Variants in ADAM22 observed in about 807,000 individuals in gnomAD.
The protein encoded by ADAM22 is disintegrin and metalloproteinase domain-containing protein 22.
Under a neutral mutation model 144.6 loss-of-function variants are expected in ADAM22, and 65 were observed. The ratio of observed to expected loss-of-function variants is 0.45; its 90% CI spans 0.37 to 0.55. ADAM22 has a LOEUF of 0.55. Among genes scored for constraint, ADAM22 ranks in the 20% least tolerant of loss-of-function variants. The pLI is 0.00. For synonymous variants in ADAM22, 391 were observed against 412.6 expected (o/e 0.95, Z 0.63); for missense variants, 974 against 1,184.9 (o/e 0.82, Z 2.61).
chr7:87,975,950 A>G (rs903814609), intron 2 of ADAM22, among the ~76,000 whole-genome samples: 1 of 152,170 alleles, frequency 6.6e-6, no homozygotes, highest in Non-Finnish European at 1.5e-5. Context: ...AGCTTTAGGT[A>G]GAGGGAGTGA....
intron 21 of ADAM22, among the ~76,000 whole-genome samples, chr7:88,155,245 T>G (rs1042575978): frequency 6.6e-6 from 1 of 152,024 alleles, no homozygotes; most frequent in African/African-American, 2.4e-5. Flanking sequence ...AAAAATTGTC[T>G]GGGCACAGCA....
intron 2 of ADAM22, among the ~76,000 whole-genome samples, chr7:87,950,990 G>T (rs1315448474): frequency 6.6e-6 from 1 of 152,028 alleles, no homozygotes. Context: ...GGGGTTGTTT[G>T]TTTTTTTCTT....
chr7:88,158,758 A>T (rs192777155), intron 22 of ADAM22, among the ~76,000 whole-genome samples: 19 of 152,286 alleles, frequency 1.2e-4, no homozygotes, highest in African/African-American at 4.6e-4. Flanking sequence ...CAGCTAAGGC[A>T]GTGTTAAGAG....
At chr7:88,097,381 C>G (rs774736800) in intron 4 of ADAM22, among the ~76,000 whole-genome samples, 1 of 151,640 alleles carries the variant, frequency 6.6e-6, no homozygotes, top group Non-Finnish European at 1.5e-5. Context: ...CACCTGACTT[C>G]AAGCGACCCA....
chr7:88,153,142 A>G (rs1182648978), intron 20 of ADAM22, 79 bp from the exon 21 acceptor site: 2 of 918,634 alleles, frequency 2.2e-6, no homozygotes, highest in East Asian at 2.5e-5. Context: ...TCCTTATATT[A>G]CAATTTTTCT....
At chr7:88,121,809 A>G (rs1204523509) in intron 7 of ADAM22, among the ~76,000 whole-genome samples, 2 of 152,220 alleles carry the variant, frequency 1.3e-5, no homozygotes, top group Non-Finnish European at 2.9e-5. Flanking sequence ...GCTGTATAGT[A>G]TTTATTAGAA....
chr7:88,000,783 T>A (rs1253315552), intron 3 of ADAM22, among the ~76,000 whole-genome samples: 1 of 152,172 alleles, frequency 6.6e-6, no homozygotes, highest in Non-Finnish European at 1.5e-5. Flanking sequence ...CCATTTAGAC[T>A]GAAGCTTAGG....
At chr7:88,051,525 G>A (rs1585267142) in intron 3 of ADAM22, among the ~76,000 whole-genome samples, 1 of 151,922 alleles carries the variant, frequency 6.6e-6, no homozygotes, top group East Asian at 1.9e-4. Context: ...CACAGGGTGG[G>A]GAACACCACA....
At chr7:88,114,212 A>G (rs1425573310) in intron 5 of ADAM22, among the ~76,000 whole-genome samples, 4 of 152,124 alleles carry the variant, frequency 2.6e-5, no homozygotes, top group Admixed American at 2.0e-4. Context: ...TTAAAATGCA[A>G]TTTCCTGGGT....
rs190624589 is a variant in ADAM22 at position 88,053,223 on chromosome 7, G to T, written c.324-22403G>T. Among the ~76,000 whole-genome samples the T allele has an allele frequency of 5.9e-3, 903 of 151,990 alleles. 3 individuals are homozygous for T. The highest frequency in any genetic ancestry group is 8.3e-3 in the Admixed American group (126 of 15,256). On this transcript the variant is annotated intron_variant, in intron 3 of 31. Coordinates refer to ENST00000413139, the MANE Select transcript of ADAM22 (RefSeq NM_001324418.2). ...TTTGTATGCAGATGTTGGCATATTA[G>T]GTACATCCTACTGATATCTCTTAGC...
chr7:88,121,557 A>G (rs1829316102), intron 7 of ADAM22, among the ~76,000 whole-genome samples: 1 of 152,182 alleles, frequency 6.6e-6, no homozygotes, highest in Non-Finnish European at 1.5e-5. Flanking sequence ...CTGGGACTAC[A>G]GTTTCATTTG....
chr7:88,187,248 G>A (rs2129539573), intron 30 of ADAM22, among the ~76,000 whole-genome samples: 1 of 152,298 alleles, frequency 6.6e-6, no homozygotes, highest in East Asian at 1.9e-4. Flanking sequence ...TATGTGGAAT[G>A]AGTTTAGGTT....
intron 2 of ADAM22, among the ~76,000 whole-genome samples, chr7:87,962,748 C>T (rs907060508): frequency 2.0e-5 from 3 of 152,026 alleles, no homozygotes; most frequent in African/African-American, 4.8e-5. Flanking sequence ...TGCAGCAGCT[C>T]GTTCTGTGCA....
rs561765812 is a variant in ADAM22, at chr7:88,005,780, A to C, written c.323+27368A>C. Among the ~76,000 whole-genome samples, 6 of 152,302 alleles carry C rather than the reference A, an allele frequency of 3.9e-5. No individual in the cohort carries two copies. The South Asian group carries it at 1.2e-3, about 32-fold the overall frequency. The stretch of plus-strand genomic sequence containing the variant: ...CCTGAAAATCATTTAATTTTAAGGG[A>C]TACTTTTAAGAAAAAAATATAAAAT... On this transcript the variant is annotated intron_variant, in intron 3 of 31. Coordinates refer to ENST00000413139, the MANE Select transcript of ADAM22 (RefSeq NM_001324418.2).
chr7:88,169,286 A>T (rs1353078869), intron 25 of ADAM22, among the ~76,000 whole-genome samples: 2 of 152,094 alleles, frequency 1.3e-5, no homozygotes, highest in Non-Finnish European at 2.9e-5. Context: ...TAGCGCAGAG[A>T]GCATATTACA....
intron 2 of ADAM22, among the ~76,000 whole-genome samples, chr7:87,965,913 G>C (rs781158107): frequency 6.6e-6 from 1 of 152,206 alleles, no homozygotes. Flanking sequence ...TCATGTGAGA[G>C]TGTAGTGGCT....
chr7:87,959,826 A>C (rs570965203), intron 2 of ADAM22, among the ~76,000 whole-genome samples: 1 of 152,338 alleles, frequency 6.6e-6, no homozygotes, highest in South Asian at 2.1e-4. Flanking sequence ...TATAGTTTTT[A>C]AAACAATAGC....
At chr7:88,080,642 G>A (rs960400099) in intron 4 of ADAM22, among the ~76,000 whole-genome samples, 71 of 151,702 alleles carry the variant, frequency 4.7e-4, no homozygotes, top group Non-Finnish European at 5.0e-4. Flanking sequence ...TCAAATAGAC[G>A]CAATAAAAAA....
chr7:88,090,501 G>T (rs1305217977), intron 4 of ADAM22, among the ~76,000 whole-genome samples: 3 of 152,144 alleles, frequency 2.0e-5, no homozygotes, highest in Non-Finnish European at 4.4e-5. Context: ...ATGTCAGTTT[G>T]ACTAGTAATG....
Sources: allele counts gnomAD v4.1 joint callset (sites outside exome capture counted in the v4.1 genomes callset), GRCh38; gene constraint gnomAD v4.1.1; transcripts MANE v1.5; gene names NCBI Gene and HGNC (gene_info 2026-07-23, HGNC 2026-07-21).